Variants in ATF6 observed in about 807,000 individuals in gnomAD.
ATF6 encodes the protein activating transcription factor 6.
A neutral mutation model predicts 83.6 loss-of-function variants in ATF6; 53 were observed. That is an observed-to-expected ratio of 0.63 (90% CI 0.51 to 0.80). The LOEUF (loss-of-function observed/expected upper bound fraction) is 0.80. Ranked by LOEUF, ATF6 falls within the 30% of genes least tolerant of loss-of-function variation. ATF6 has a pLI of 0.00. For missense variants in ATF6, 744 were observed against 797.9 expected (o/e 0.93, Z 0.81); for synonymous variants, 288 against 285.8 (o/e 1.01, Z -0.08).
At chr1:161,917,572 C>T (rs1688126368) in intron 15 of ATF6, among the ~76,000 whole-genome samples, 1 of 152,134 alleles carries the variant, frequency 6.6e-6, no homozygotes, top group Non-Finnish European at 1.5e-5. Flanking sequence ...AGGCGCCTGC[C>T]ACCACGCCCG....
intron 9 of ATF6, among the ~76,000 whole-genome samples, chr1:161,832,541 C>T (rs552494750): frequency 2.0e-5 from 3 of 152,320 alleles, no homozygotes; most frequent in South Asian, 2.1e-4. Context: ...CCTGGAAAAT[C>T]GGGTCACTAC....
At chr1:161,854,443 C>T (rs1232917804) in intron 12 of ATF6, among the ~76,000 whole-genome samples, 1 of 152,232 alleles carries the variant, frequency 6.6e-6, no homozygotes, top group Non-Finnish European at 1.5e-5. Flanking sequence ...TTGGCTAAAA[C>T]TCTGTCACTT....
intron 2 of ATF6, 109 bp from the exon 3 acceptor site, chr1:161,781,803 T>C (rs1405273164): frequency 1.6e-6 from 1 of 640,014 alleles, no homozygotes; most frequent in Non-Finnish European, 2.7e-6. Flanking sequence ...TTTTACTAGG[T>C]TGGCTAATAG....
chr1:161,918,509 CTT>C (rs1169196973), intron 15 of ATF6, among the ~76,000 whole-genome samples: 1 of 152,014 alleles, frequency 6.6e-6, no homozygotes, highest in Non-Finnish European at 1.5e-5. Context: ...GCTTATTAGA[CTT>C]ATGGATTTGA....
chr1:161,784,012 T>A lies in ATF6; in HGVS notation c.270T>A (p.Pro90=). 2 of 1,612,346 alleles carry A rather than the reference T, an allele frequency of 1.2e-6. No homozygotes were observed. The highest frequency in any genetic ancestry group is 8.5e-7 in the Non-Finnish European group (1 of 1,178,596). Residue 90 remains proline (P), a synonymous_variant, in exon 4 of 16, where the codon CCT becomes CCA. Coordinates refer to ENST00000367942, the MANE Select transcript of ATF6 (RefSeq NM_007348.4). ...ICTVKDIKAE[P]QPLSPASSSY... ...CAGTTAAAGATATTAAGGCAGAACC[T>A]CAGCCACTTTCTCCAGCCTCCTCAA...
intron 15 of ATF6, among the ~76,000 whole-genome samples, chr1:161,932,957 T>C (rs1688463661): frequency 1.3e-5 from 2 of 152,222 alleles, no homozygotes; most frequent in Admixed American, 1.3e-4. Context: ...GCACATGACA[T>C]GGCCTCTGGC....
At chr1:161,790,897 G>A (rs1421352258) in intron 4 of ATF6, among the ~76,000 whole-genome samples, 2 of 152,078 alleles carry the variant, frequency 1.3e-5, no homozygotes, top group Non-Finnish European at 1.5e-5. Flanking sequence ...TGGAACAAAG[G>A]CAGTATTACA....
chr1:161,896,587 T>A (rs921057650), intron 14 of ATF6, among the ~76,000 whole-genome samples: 2 of 152,198 alleles, frequency 1.3e-5, no homozygotes, highest in African/African-American at 4.8e-5. Context: ...TTTTTCCTTA[T>A]TGGTGAAAAC....
chr1:161,943,948 T>C (rs960449199), intron 15 of ATF6, among the ~76,000 whole-genome samples: 1 of 152,224 alleles, frequency 6.6e-6, no homozygotes. Context: ...TTCATCTGTT[T>C]TGTTGTTCAC....
At chr1:161,912,247 G>A (rs781042609) in intron 14 of ATF6, 49 bp from the exon 15 acceptor site, 9 of 1,402,182 alleles carry the variant, frequency 6.4e-6, no homozygotes, top group Non-Finnish European at 7.9e-6. Flanking sequence ...GCCTGTTCTA[G>A]GACTAAGCCA....
chr1:161,841,276 G>T (rs952041555), intron 9 of ATF6, among the ~76,000 whole-genome samples: 3 of 152,142 alleles, frequency 2.0e-5, no homozygotes, highest in African/African-American at 7.2e-5. Flanking sequence ...TCTTTCAGAT[G>T]TTAATAAAAA....
chr1:161,934,229 CG>C (rs1163962912), intron 15 of ATF6, among the ~76,000 whole-genome samples: 3 of 152,090 alleles, frequency 2.0e-5, no homozygotes, highest in Non-Finnish European at 4.4e-5. Context: ...TTTGTGATGC[CG>C]GTAAATTGTT....
rs185311036 is a variant in ATF6 at position 161,778,151 on chromosome 1, A to G, written c.83-93A>G. 420 of 923,938 alleles carry G rather than the reference A, an allele frequency of 4.5e-4. 1 individual carries two copies. The African/African-American group carries it at 6.4e-3, about 14-fold the overall frequency. The allele number at this position is 923,938 out of a possible 1,614,324, so 57.2% of individuals were successfully genotyped here. On this transcript the variant is annotated intron_variant, in intron 1 of 15. Transcript: ENST00000367942. Reference sequence around the variant, plus strand: ...CAATAATAGTAATGGCTAATGAGAAACCTTAATAGAGGTGACATAGGGACA... The same window carrying G: ...CAATAATAGTAATGGCTAATGAGAAGCCTTAATAGAGGTGACATAGGGACA...
intron 6 of ATF6, 136 bp from the exon 7 acceptor site, chr1:161,801,916 A>G (rs543055848): frequency 6.5e-5 from 47 of 718,918 alleles, no homozygotes; most frequent in East Asian, 5.6e-4. Context: ...TATTGATCCA[A>G]TGTTTTAATT....
intron 15 of ATF6, among the ~76,000 whole-genome samples, chr1:161,913,835 T>C (rs1688038756): frequency 6.6e-6 from 1 of 152,244 alleles, no homozygotes; most frequent in Non-Finnish European, 1.5e-5. Flanking sequence ...GGCTATTTTC[T>C]AAGCTTTATC....
chr1:161,834,930 A>G (rs1283769724), intron 9 of ATF6, among the ~76,000 whole-genome samples: 1 of 152,240 alleles, frequency 6.6e-6, no homozygotes, highest in Non-Finnish European at 1.5e-5. Context: ...CACCATAACT[A>G]AGGAATAAAG....
At chr1:161,958,388 A>G in intron 15 of ATF6, 58 bp from the exon 16 acceptor site, 1 of 1,500,330 alleles carries the variant, frequency 6.7e-7, no homozygotes, top group Non-Finnish European at 9.0e-7. Context: ...GCTGAAGCTT[A>G]TGGCAGAGAT....
chr1:161,836,731 G>C (rs997049995), intron 9 of ATF6, among the ~76,000 whole-genome samples: 1 of 152,168 alleles, frequency 6.6e-6, no homozygotes. Context: ...CATGTGAGTT[G>C]TACATAGGGA....
chr1:161,808,586 T>G (rs751834207), intron 7 of ATF6, among the ~76,000 whole-genome samples: 2 of 152,140 alleles, frequency 1.3e-5, no homozygotes, highest in Non-Finnish European at 2.9e-5. Context: ...TTATTTATTT[T>G]TTTAAAGACA....
Sources: allele counts gnomAD v4.1 joint callset (sites outside exome capture counted in the v4.1 genomes callset), GRCh38; gene constraint gnomAD v4.1.1; transcripts MANE v1.5; gene names NCBI Gene and HGNC (gene_info 2026-07-23, HGNC 2026-07-21).